Variants in GATB observed in about 807,000 individuals in gnomAD.
GATB encodes the protein glutamyl-tRNA(Gln) amidotransferase subunit B, mitochondrial.
In GATB, 39 loss-of-function variants were observed where a neutral mutation model predicts 62.3. That is an observed-to-expected ratio of 0.63 (90% confidence interval 0.48 to 0.82). GATB has a LOEUF of 0.82. GATB is among the 40% of genes least tolerant of loss of function. The probability of loss-of-function intolerance (pLI) is 0.00; values close to 1 mark genes in which losing one functional copy is unlikely to be tolerated. For missense variants in GATB, 670 were observed against 684.0 expected (o/e 0.98, Z 0.23); for synonymous variants, 276 against 258.9 (o/e 1.07, Z -0.63).
chr4:151,691,641 G>A (rs544092395), intron 9 of GATB: 3 of 152,312 alleles, frequency 2.0e-5, no homozygotes, highest in East Asian at 1.9e-4. Flanking sequence ...GCCTCGAAGC[G>A]GTCTTCTGCA....
rs543121120 is a variant in GATB at position 151,716,569 on chromosome 4, C to T, written c.640+307G>A. 1.2e-4 allele frequency among the ~76,000 whole-genome samples: 19 copies of T among 152,242 alleles called. No homozygotes were observed. The South Asian group carries it at 1.9e-3, about 15-fold the overall frequency. Reference sequence around the variant, plus strand: ...TACACGTGTAGGCACCTAGGCTCCACGTTTTGATTTTTAAATGTTTCACTT... The same window carrying T: ...TACACGTGTAGGCACCTAGGCTCCATGTTTTGATTTTTAAATGTTTCACTT... On this transcript the variant is annotated intron_variant, in intron 4 of 12. Coordinates refer to ENST00000263985, the MANE Select transcript of GATB (RefSeq NM_004564.3).
intron 7 of GATB, 95 bp downstream of exon 7, chr4:151,705,090 G>T: frequency 1.3e-6 from 1 of 775,042 alleles, no homozygotes. Context: ...GACGCTACGT[G>T]CCTCCTTCAA....
At chr4:151,700,611 T>C (rs773930055) in intron 9 of GATB, among the ~76,000 whole-genome samples, 1 of 152,230 alleles carries the variant, frequency 6.6e-6, no homozygotes, top group Non-Finnish European at 1.5e-5. Flanking sequence ...ACTGATTCCC[T>C]GGAAGATGCA....
intron 8 of GATB, 56 bp downstream of exon 8, chr4:151,703,795 T>C: frequency 8.3e-7 from 1 of 1,205,022 alleles, no homozygotes; most frequent in Non-Finnish European, 1.2e-6. Flanking sequence ...TAAATGAACT[T>C]GAAATACGCC....
At chr4:151,722,342 C>T in intron 2 of GATB, 2 of 629,594 alleles carry the variant, frequency 3.2e-6, no homozygotes, top group South Asian at 3.8e-5. Flanking sequence ...TCTGCAAACC[C>T]TTTTCAAGTT....
chr4:151,691,029 T>G (rs771551895), intron 9 of GATB, among the ~76,000 whole-genome samples: 3 of 152,172 alleles, frequency 2.0e-5, no homozygotes, highest in Non-Finnish European at 4.4e-5. Context: ...TCTTCTTAGT[T>G]TTTCCATGAG....
At chr4:151,694,515 T>C (rs1413104941) in intron 9 of GATB, among the ~76,000 whole-genome samples, 2 of 152,236 alleles carry the variant, frequency 1.3e-5, no homozygotes, top group Admixed American at 6.5e-5. Flanking sequence ...TTCTAGTGTA[T>C]AGAGTCACTG....
intron 3 of GATB, among the ~76,000 whole-genome samples, chr4:151,718,241 A>G (rs1220526466): frequency 6.6e-6 from 1 of 152,182 alleles, no homozygotes; most frequent in Non-Finnish European, 1.5e-5. Context: ...CCCGTTTTCT[A>G]TGCTGAGACG....
rs1560859419 is a variant in GATB, at chr4:151,730,439, G to A, written c.328-10901C>T. Among the ~76,000 whole-genome samples the A allele has an allele frequency of 6.6e-6, 1 of 152,202 alleles. No individual in the cohort carries two copies. Among genetic ancestry groups the A allele is most frequent in the Non-Finnish European group, 1.5e-5 (1 of 68,044 alleles). ...TACTACAGCTAATGCTCTCTGGAAAGCACCACCTCCTGGCAGAAGGCCAAC... is the reference window on the plus strand; with the variant it reads ...TACTACAGCTAATGCTCTCTGGAAAACACCACCTCCTGGCAGAAGGCCAAC... On this transcript the variant is annotated intron_variant, in intron 2 of 12. Coordinates refer to ENST00000263985, the MANE Select transcript of GATB (RefSeq NM_004564.3). The surrounding 1 kb of genome is among the most constrained non-coding windows in gnomAD (Gnocchi z 4.1).
At chr4:151,731,399 A>G (rs1739247193) in intron 2 of GATB, among the ~76,000 whole-genome samples, 1 of 152,194 alleles carries the variant, frequency 6.6e-6, no homozygotes, top group Non-Finnish European at 1.5e-5. Flanking sequence ...TTGCAGACGG[A>G]GTCTCGCTCA....
chr4:151,730,256 A>G lies in GATB; in HGVS notation c.328-10718T>C, dbSNP rs1037170160. On this transcript the variant is annotated intron_variant, in intron 2 of 12. Transcript: ENST00000263985. This position sits in a 1 kb window ranked among gnomAD's most constrained non-coding sequence, Gnocchi z 4.1. ...TGGGAATCTCATCCCCATCATCCAC[A>G]GCAGCCGCAGCAAGACCCGCCCAAG... 6.6e-6 allele frequency among the ~76,000 whole-genome samples: 1 copy of G among 152,174 alleles called. No individual in the cohort carries two copies. The highest frequency in any genetic ancestry group is 2.4e-5 in the African/African-American group (1 of 41,428).
At position 151,699,298 on chromosome 4, in the gene GATB, AG is replaced by A. The variant is rs1246538843; in HGVS notation, c.1197+2030del. ...CAGCTACTCGGGAGGCTGAGGTGGGAGGATGTCTTGAATCTGGGAGGCAGAG... is the reference window on the plus strand; with the variant it reads ...CAGCTACTCGGGAGGCTGAGGTGGGAGATGTCTTGAATCTGGGAGGCAGAG... On this transcript the variant is annotated intron_variant, in intron 9 of 12. Transcript: ENST00000263985. Among the ~76,000 whole-genome samples the A allele has an allele frequency of 2.0e-5, 3 of 150,490 alleles. No individual in the cohort carries two copies. The East Asian group carries it at 6.0e-4, about 30-fold the overall frequency.
At chr4:151,701,756 G>A (rs750713690) in intron 8 of GATB, among the ~76,000 whole-genome samples, 1 of 152,146 alleles carries the variant, frequency 6.6e-6, no homozygotes, top group Non-Finnish European at 1.5e-5. Flanking sequence ...GCACAACACA[G>A]GCTTGAAGTC....
Position 151,741,676 on chromosome 4 carries a change from C to T in GATB, c.327+17096G>A, listed in dbSNP as rs147678509. On this transcript the variant is annotated intron_variant, in intron 2 of 12. Coordinates refer to ENST00000263985, the MANE Select transcript of GATB (RefSeq NM_004564.3). Reference sequence around the variant, plus strand: ...AAGATTCACCCAGGGGGAGGCCAGACGAGGTCCCTCAGGTTCGCCAAGGCT... The same window carrying T: ...AAGATTCACCCAGGGGGAGGCCAGATGAGGTCCCTCAGGTTCGCCAAGGCT... Among the ~76,000 whole-genome samples, 9 of 152,306 alleles carry T rather than the reference C, an allele frequency of 5.9e-5. No homozygotes were observed. The South Asian group carries it at 8.3e-4, about 14-fold the overall frequency.
rs1194665926 is a variant in GATB, at chr4:151,701,372, A to T, written c.1154T>A (p.Val385Asp). The T allele has an allele frequency of 6.3e-7, 1 of 1,592,164 alleles. No homozygotes were observed. The change falls in exon 9 of 13, where the codon GTC (valine) becomes GAC (aspartate). Residue 385 changes from valine to aspartate, a missense_variant. Coordinates refer to ENST00000263985, the MANE Select transcript of GATB (RefSeq NM_004564.3). ...ELPSVTREKL[V>D]QQYGMLLEHS... Reference sequence around the variant, plus strand: ...TTCCAGCAGCATCCCATACTGTTGGACAAGCTTCTCTCGGGTCACACTGGG... The same window carrying T: ...TTCCAGCAGCATCCCATACTGTTGGTCAAGCTTCTCTCGGGTCACACTGGG...
intron 2 of GATB, chr4:151,723,683 G>A (rs1323060223): frequency 6.6e-6 from 1 of 152,152 alleles, no homozygotes; most frequent in Non-Finnish European, 1.5e-5. Context: ...TTGGTGATGG[G>A]TGACCCTACA....
intron 3 of GATB, among the ~76,000 whole-genome samples, chr4:151,718,589 T>C (rs1476826330): frequency 6.6e-6 from 1 of 152,218 alleles, no homozygotes; most frequent in East Asian, 1.9e-4. Flanking sequence ...CAGCAGCCAC[T>C]GGAGAACGCA....
chr4:151,726,761 A>G (rs2126983446), intron 2 of GATB, among the ~76,000 whole-genome samples: 1 of 152,130 alleles, frequency 6.6e-6, no homozygotes, highest in East Asian at 1.9e-4. Flanking sequence ...GAGCAAGGGG[A>G]GGAAATTTTC....
At position 151,701,460 on chromosome 4, in the gene GATB, C is replaced by A. The variant is rs776470411; in HGVS notation, c.1066G>T (p.Ala356Ser). 2 of 1,597,476 alleles carry A rather than the reference C, an allele frequency of 1.3e-6. No homozygotes were observed. Among genetic ancestry groups the A allele is most frequent in the Admixed American group, 3.5e-5 (2 of 57,968 alleles). ...ATCACTTGCTGTGGGTCTGCACCTGCGGGCAGAGATGTGGCGTCGTAGAGC... is the reference window on the plus strand; with the variant it reads ...ATCACTTGCTGTGGGTCTGCACCTGAGGGCAGAGATGTGGCGTCGTAGAGC... ...LVLYDATSLP[A>S]GADPQQVINI... is the part of the protein sequence containing the mutation. Residue 356 changes from alanine to serine, a missense_variant, in exon 9 of 13, where the codon GCA (alanine) becomes TCA (serine). Transcript: ENST00000263985.
Sources: gnomAD v4.1 joint callset for allele counts (sites outside exome capture counted in the v4.1 genomes callset) on GRCh38, gnomAD v4.1.1 for gene constraint, Gnocchi (gnomAD v3.1) non-coding constraint, MANE v1.5 for transcripts, NCBI Gene and HGNC (gene_info 2026-07-23, HGNC 2026-07-21) for gene names.